PTPRD: variants seen among roughly 807,000 people sequenced by gnomAD.
The protein encoded by PTPRD is receptor-type tyrosine-protein phosphatase delta.
A neutral mutation model predicts 214.5 loss-of-function variants in PTPRD; 34 were observed. The ratio of observed to expected loss-of-function variants is 0.16; its 90% CI spans 0.12 to 0.21. PTPRD has a LOEUF of 0.21. Among genes scored for constraint, PTPRD ranks in the 10% least tolerant of loss-of-function variants. The pLI is 1.00. For synonymous variants in PTPRD, 1,128 were observed against 845.7 expected, an observed-to-expected ratio of 1.33 and a Z score of -5.79; for missense variants, 2,545 against 2,398.7, an observed-to-expected ratio of 1.06 and a Z score of -1.27.
rs562195960 is a variant in PTPRD, at chr9:9,964,858, A to G, written c.-471-26248T>C. Among the ~76,000 whole-genome samples, 8 of 152,324 alleles carry G rather than the reference A, an allele frequency of 5.3e-5. No individual in the cohort carries two copies. The South Asian group carries it at 1.7e-3, about 32-fold the overall frequency. On this transcript the variant is annotated intron_variant, in intron 4 of 45. Coordinates refer to ENST00000381196, the MANE Select transcript of PTPRD (RefSeq NM_002839.4). ...ATGCTTTCTGTTTCAACCAGGAAGTATAATATGTACTCCAAGATCTAACTA... is the reference window on the plus strand; with the variant it reads ...ATGCTTTCTGTTTCAACCAGGAAGTGTAATATGTACTCCAAGATCTAACTA...
At chr9:9,774,812 G>A (rs933368584) in intron 5 of PTPRD, among the ~76,000 whole-genome samples, 5 of 152,106 alleles carry the variant, frequency 3.3e-5, no homozygotes, top group African/African-American at 9.7e-5. Flanking sequence ...TTAACATATT[G>A]TAAACCTGGC....
chr9:8,957,264 C>T (rs1361033382), intron 11 of PTPRD, among the ~76,000 whole-genome samples: 1 of 151,816 alleles, frequency 6.6e-6, no homozygotes, highest in Non-Finnish European at 1.5e-5. Context: ...ACCTACTCCT[C>T]CAGAAAAACA....
chr9:9,410,291 A>G (rs200837655), intron 8 of PTPRD, among the ~76,000 whole-genome samples: 2 of 152,232 alleles, frequency 1.3e-5, no homozygotes, highest in East Asian at 3.8e-4. Context: ...AAATTATATT[A>G]AAAGAAAGTT....
intron 3 of PTPRD, among the ~76,000 whole-genome samples, chr9:10,275,965 G>C (rs771253450): frequency 6.6e-6 from 1 of 152,114 alleles, no homozygotes; most frequent in Non-Finnish European, 1.5e-5. Flanking sequence ...CCTCTTTCAG[G>C]CTACAGTGTT....
At chr9:9,779,098 A>C in intron 5 of PTPRD, among the ~76,000 whole-genome samples, 1 of 148,416 alleles carries the variant, frequency 6.7e-6, no homozygotes, top group African/African-American at 2.5e-5. Context: ...AAAAAAAAAA[A>C]AAAAAAGCAA....
chr9:9,986,388 G>A (rs960643877), intron 4 of PTPRD, among the ~76,000 whole-genome samples: 2 of 151,998 alleles, frequency 1.3e-5, no homozygotes, highest in African/African-American at 4.8e-5. Context: ...TTGATATAAT[G>A]GAATACTATG....
chr9:9,092,920 T>C (rs1057395393), intron 10 of PTPRD, among the ~76,000 whole-genome samples: 6 of 152,012 alleles, frequency 3.9e-5, no homozygotes, highest in Non-Finnish European at 7.4e-5. Flanking sequence ...CCCAATACTC[T>C]ATTATATGCT....
At chr9:10,195,098 ATTTTTT>A (rs34900305) in intron 3 of PTPRD, among the ~76,000 whole-genome samples, 262 of 97,922 alleles carry the variant, frequency 2.7e-3, no homozygotes, top group African/African-American at 9.8e-3. Context: ...ATACCCGGCT[ATTTTTT>A]TTTTTTTTTT....
intron 8 of PTPRD, among the ~76,000 whole-genome samples, chr9:9,533,143 T>C (rs889905798): frequency 6.6e-6 from 1 of 152,154 alleles, no homozygotes; most frequent in African/African-American, 2.4e-5. Context: ...TTCTTTCTCT[T>C]GATAGTGTGA....
chr9:9,456,492 C>G lies in PTPRD; in HGVS notation c.-236-59010G>C, dbSNP rs558618904. ...TTTATTCATGGCTTCCCTGTTCTTA[C>G]ATATTTTCATTTAAAAACCCAAACC... On this transcript the variant is annotated intron_variant, in intron 8 of 45. Transcript: ENST00000381196. 5.3e-5 allele frequency among the ~76,000 whole-genome samples: 8 copies of G among 151,918 alleles called. No homozygotes were observed. In the East Asian group the frequency reaches 1.2e-3, roughly 22 times the overall value.
In PTPRD at chr9:10,018,538, C is replaced by CTTTTTTTTTTTTTTTTTT. The variant is rs71321214; in HGVS notation, c.-472+15162_-472+15179dup. On this transcript the variant is annotated intron_variant, in intron 4 of 45. Coordinates refer to ENST00000381196, the MANE Select transcript of PTPRD (RefSeq NM_002839.4). ...AATGATTTATTTAAGAATTACATTT[C>CTTTTTTTTTTTTTTTTTT]TTTTTTTTTTTTTTTTTTTTTTTTT... Among the ~76,000 whole-genome samples, 2 of 71,096 alleles carry CTTTTTTTTTTTTTTTTTT rather than the reference C, an allele frequency of 2.8e-5. 1 individual carries two copies. The highest frequency in any genetic ancestry group is 5.4e-5 in the Non-Finnish European group (2 of 36,840). The allele number at this position is 71,096 out of a possible 152,430, so 46.6% of individuals were successfully genotyped here.
intron 7 of PTPRD, among the ~76,000 whole-genome samples, chr9:9,661,747 G>A (rs534127209): frequency 2.6e-4 from 39 of 151,798 alleles, no homozygotes; most frequent in African/African-American, 9.4e-4. Context: ...TTACATTTTA[G>A]TCATCTAAGA....
intron 34 of PTPRD, among the ~76,000 whole-genome samples, chr9:8,441,729 C>G (rs12554079): frequency 0.13 from 20,075 of 151,910 alleles, 1,633 homozygotes; most frequent in East Asian, 0.28. Flanking sequence ...ATCTACCTCC[C>G]CTTCTCTCTA....
At chr9:10,342,824 T>C (rs1378483282) in intron 2 of PTPRD, among the ~76,000 whole-genome samples, 5 of 152,124 alleles carry the variant, frequency 3.3e-5, no homozygotes, top group Non-Finnish European at 5.9e-5. Context: ...TTTCTTCCTC[T>C]ATATTATCTA....
At chr9:10,459,919 C>T (rs1370850318) in intron 2 of PTPRD, among the ~76,000 whole-genome samples, 3 of 151,764 alleles carry the variant, frequency 2.0e-5, no homozygotes, top group South Asian at 4.1e-4. Context: ...ATATTAACTG[C>T]ACTTTTTCCA....
At chr9:9,863,390 T>C (rs1320292394) in intron 5 of PTPRD, among the ~76,000 whole-genome samples, 1 of 152,158 alleles carries the variant, frequency 6.6e-6, no homozygotes, top group Non-Finnish European at 1.5e-5. Flanking sequence ...AAATGTAAAA[T>C]CAAGAATGTA....
intron 9 of PTPRD, among the ~76,000 whole-genome samples, chr9:9,337,198 G>A (rs60299935): frequency 0.03 from 4,532 of 152,168 alleles, 220 homozygotes; most frequent in African/African-American, 0.1. Flanking sequence ...AATAAGTGAT[G>A]CCACCATTAA....
At chr9:10,127,111 C>T (rs1329552323) in intron 3 of PTPRD, among the ~76,000 whole-genome samples, 3 of 152,202 alleles carry the variant, frequency 2.0e-5, no homozygotes, top group African/African-American at 7.2e-5. Flanking sequence ...AGCAGTGTAT[C>T]CTTACTGTGC....
intron 10 of PTPRD, among the ~76,000 whole-genome samples, chr9:9,136,877 G>T (rs2099851739): frequency 6.6e-6 from 1 of 152,096 alleles, no homozygotes; most frequent in South Asian, 2.1e-4. Flanking sequence ...ATTTCCAATG[G>T]GTGAAATGCC....
Sources: allele counts gnomAD v4.1 joint callset (sites outside exome capture counted in the v4.1 genomes callset), GRCh38; gene constraint gnomAD v4.1.1; transcripts MANE v1.5; gene names NCBI Gene and HGNC (gene_info 2026-07-23, HGNC 2026-07-21).